The following DNAH5 variants were observed in gnomAD, a reference collection of about 807,000 sequenced individuals.
DNAH5 encodes the protein axonemal beta dynein heavy chain 5.
A neutral mutation model predicts 518.2 loss-of-function variants in DNAH5; 372 were observed. The observed-to-expected ratio is 0.72, with a 90% CI of 0.66 to 0.78. DNAH5 has a LOEUF of 0.78. DNAH5 is among the 30% of genes least tolerant of loss of function. The pLI, the probability that DNAH5 is intolerant of heterozygous loss-of-function variation, is 0.00. For missense variants in DNAH5, 5,523 were observed against 5,687.0 expected (o/e 0.97, Z 0.93); for synonymous variants, 2,039 against 2,025.9 (o/e 1.01, Z -0.17).
chr5:13,820,496 C>T lies in DNAH5; in HGVS notation c.6691G>A (p.Glu2231Lys), dbSNP rs778056481. Residue 2231 changes from glutamate to lysine, a missense_variant, in exon 41 of 79, where the codon GAA becomes AAA. Transcript: ENST00000265104. ...ELEAAISRQV[E>K]EAGLINHPPW... is the part of the protein sequence containing the mutation. ...GGATGGTTGATTAAACCAGCTTCTT[C>T]AACCTGAAAACATAAGAGAATCCCC... is the stretch of plus-strand genomic sequence containing the variant. 2 of 1,613,932 alleles carry T rather than the reference C, an allele frequency of 1.2e-6. No homozygotes were observed. The highest frequency in any genetic ancestry group is 2.2e-5 in the South Asian group (2 of 91,080).
chr5:13,920,441 T>G, intron 6 of DNAH5, 39 bp downstream of exon 6: 1 of 1,613,176 alleles, frequency 6.2e-7, no homozygotes, highest in East Asian at 2.2e-5. Flanking sequence ...AGCGCAGTAA[T>G]GTGGCACCTG....
At position 13,841,119 on chromosome 5, in the gene DNAH5, T is replaced by C. The variant is rs2151860590; in HGVS notation, c.5496A>G (p.Leu1832=). ...LSSFPAQVGL[L]GIQMIWTRDS... Reference sequence around the variant, plus strand: ...CCCGTGTCCATATCATCTGAATTCCTAATAATCCAACCTTATGGAAATAAA... The same window carrying C: ...CCCGTGTCCATATCATCTGAATTCCCAATAATCCAACCTTATGGAAATAAA... Residue 1832 remains leucine (L), a synonymous_variant, in exon 34 of 79, where the codon TTA becomes TTG. Transcript: ENST00000265104. 1.2e-6 allele frequency: 2 copies of C among 1,613,436 alleles called. No individual in the cohort carries two copies. The highest frequency in any genetic ancestry group is 2.2e-5 in the East Asian group (1 of 44,872).
chr5:13,977,770 A>C (rs1423235498), intron 1 of DNAH5, among the ~76,000 whole-genome samples: 1 of 152,164 alleles, frequency 6.6e-6, no homozygotes, highest in East Asian at 1.9e-4. Context: ...TCTGGACATG[A>C]GAGATGAGCA....
chr5:13,788,449 C>T (rs1756420182), intron 51 of DNAH5, among the ~76,000 whole-genome samples: 1 of 152,166 alleles, frequency 6.6e-6, no homozygotes, highest in Non-Finnish European at 1.5e-5. Context: ...GACTGCAAGT[C>T]CTGTGCACTC....
chr5:13,809,542 G>A (rs889774375), intron 45 of DNAH5, among the ~76,000 whole-genome samples: 2 of 152,068 alleles, frequency 1.3e-5, no homozygotes, highest in East Asian at 1.9e-4. Context: ...CTTTTCATTA[G>A]GCAAAAGATC....
Position 13,737,627 on chromosome 5 carries a change from G to A in DNAH5, c.11212-132C>T. ...ATCATAATCAACTGCAGGAAATATG[G>A]ACATCAAAAAAGAAGGGCCGGGCGC... On this transcript the variant is annotated intron_variant, in intron 65 of 78. Transcript: ENST00000265104. 5 of 1,025,844 alleles carry A rather than the reference G, an allele frequency of 4.9e-6. No individual in the cohort carries two copies. In the South Asian group the frequency reaches 7.6e-5, roughly 16 times the overall value. The allele number at this position is 1,025,844 out of a possible 1,614,324, so 63.5% of individuals were successfully genotyped here. A position where few individuals can be genotyped will look rare whatever the true frequency, so the allele number is the denominator to read the frequency against.
chr5:13,869,352 T>C (rs1211871565), intron 24 of DNAH5, among the ~76,000 whole-genome samples: 2 of 151,756 alleles, frequency 1.3e-5, no homozygotes, highest in East Asian at 3.9e-4. Context: ...ATTAAACTAG[T>C]CTCATTTAAA....
At chr5:13,909,197 C>T (rs907683443) in intron 12 of DNAH5, among the ~76,000 whole-genome samples, 7 of 152,062 alleles carry the variant, frequency 4.6e-5, no homozygotes, top group African/African-American at 9.7e-5. Context: ...CCAAAATCCC[C>T]GGTGGGTGAC....
intron 70 of DNAH5, among the ~76,000 whole-genome samples, chr5:13,724,606 C>G (rs1745474503): frequency 6.6e-6 from 1 of 152,144 alleles, no homozygotes; most frequent in Admixed American, 6.6e-5. Flanking sequence ...TGTTTGCCCC[C>G]TTCAAATCTC....
rs34356082 is a variant in DNAH5 at position 13,852,472 on chromosome 5, ATT to A, written c.4951-1659_4951-1658del. On this transcript the variant is annotated intron_variant, in intron 30 of 78. Coordinates refer to ENST00000265104, the MANE Select transcript of DNAH5 (RefSeq NM_001369.3). ...GTGAGCCACCACGCCCAGCCAGTTTATTTTTTTTTTCGTACCCTAGTGGCACC... is the reference window on the plus strand; with the variant it reads ...GTGAGCCACCACGCCCAGCCAGTTTATTTTTTTTCGTACCCTAGTGGCACC... 3.6e-4 allele frequency among the ~76,000 whole-genome samples: 54 copies of A among 150,678 alleles called. 1 individual carries two copies. The highest frequency in any genetic ancestry group is 6.5e-4 in the Non-Finnish European group (44 of 67,584).
intron 55 of DNAH5, among the ~76,000 whole-genome samples, chr5:13,775,501 T>C (rs1198335229): frequency 1.3e-5 from 2 of 151,998 alleles, no homozygotes; most frequent in East Asian, 1.9e-4. Context: ...AGATAGATAA[T>C]AGAGAGAGAA....
At chr5:13,819,498 G>C (rs1027641768) in intron 41 of DNAH5, among the ~76,000 whole-genome samples, 5 of 152,108 alleles carry the variant, frequency 3.3e-5, no homozygotes, top group African/African-American at 9.7e-5. Context: ...AGTGCACTGA[G>C]GTTCCGGGAA....
At position 13,810,186 on chromosome 5, in the gene DNAH5, C is replaced by G. The variant is rs1760419989; in HGVS notation, c.7482G>C (p.Ala2494=). The G allele has an allele frequency of 6.5e-7, 1 of 1,549,004 alleles. No homozygotes were observed. The highest frequency in any genetic ancestry group is 1.4e-5 in the African/African-American group (1 of 72,998). The part of the protein sequence containing the change: ...FVFALLWSAG[A]ALELDGRRRL... ...GGCGCCGTCCGTCCAGCTCCAGCGC[C>G]GCCCCCGCGCTCCACAGCAGCGCGA... Residue 2494 remains alanine (A), a synonymous_variant, in exon 45 of 79, where the codon GCG becomes GCC. Coordinates refer to ENST00000265104, the MANE Select transcript of DNAH5 (RefSeq NM_001369.3).
rs551833939 is a variant in DNAH5, at chr5:13,758,869, C to T, written c.10396G>A (p.Glu3466Lys). The T allele has an allele frequency of 2.1e-5, 34 of 1,614,186 alleles. 1 individual carries two copies. In the South Asian group the frequency reaches 3.0e-4, roughly 14 times the overall value. Residue 3466 changes from glutamate to lysine, a missense_variant, in exon 61 of 79, where the codon GAA becomes AAA. Physicochemically the swap from Glu to Lys is moderately conservative, Grantham distance 56. Coordinates refer to ENST00000265104, the MANE Select transcript of DNAH5 (RefSeq NM_001369.3). Reference protein sequence around the residue: ...AELDVVQAEYEQAMTEKQTLL... With the variant: ...AELDVVQAEYKQAMTEKQTLL... ...ACCTGCTTTTCAGTCATGGCCTGTTCATACTCAGCCTGCACCACGTCAAGT... is the reference window on the plus strand; with the variant it reads ...ACCTGCTTTTCAGTCATGGCCTGTTTATACTCAGCCTGCACCACGTCAAGT...
chr5:13,713,456 TATATATATATACAC>T (rs1369116481), intron 75 of DNAH5, among the ~76,000 whole-genome samples: 3 of 131,750 alleles, frequency 2.3e-5, no homozygotes, highest in African/African-American at 9.4e-5. Context: ...TATATATATA[TATATATATATACAC>T]ACACCGATAT....
rs76248050 is a variant in DNAH5 at position 13,980,472 on chromosome 5, C to T, written c.12+31176G>A. ...ATTTCCGTCCCAAACCCACTCCTCT[C>T]TCGGTCTTCCCCCTCCTTCCATTGC... On this transcript the variant is annotated intron_variant, in intron 1 of 78. Transcript: ENST00000681290. 7.3e-3 allele frequency among the ~76,000 whole-genome samples: 1,106 copies of T among 152,308 alleles called. 12 individuals carry two copies. The highest frequency in any genetic ancestry group is 0.014 in the Middle Eastern group (4 of 294).
chr5:13,948,611 G>A (rs190835673), upstream of DNAH5, among the ~76,000 whole-genome samples: 29 of 152,262 alleles, frequency 1.9e-4, no homozygotes, highest in Admixed American at 9.8e-4. Flanking sequence ...AACAGAGCCC[G>A]TCTTGTGCTG....
chr5:13,857,859 A>C (rs1767845831), intron 30 of DNAH5, among the ~76,000 whole-genome samples: 1 of 152,166 alleles, frequency 6.6e-6, no homozygotes, highest in Admixed American at 6.6e-5. Flanking sequence ...ACAAAAATTA[A>C]CTCATGGTGG....
intron 9 of DNAH5, among the ~76,000 whole-genome samples, chr5:13,915,800 G>A (rs925093146): frequency 6.6e-6 from 1 of 152,124 alleles, no homozygotes; most frequent in Non-Finnish European, 1.5e-5. Flanking sequence ...TAGCAACAGT[G>A]CTTACCATAA....
Sources: gnomAD v4.1 joint callset for allele counts (sites outside exome capture counted in the v4.1 genomes callset) on GRCh38, gnomAD v4.1.1 for gene constraint, MANE v1.5 for transcripts, NCBI Gene and HGNC (gene_info 2026-07-23, HGNC 2026-07-21) for gene names.